PCDH15: variants seen among roughly 807,000 people sequenced by gnomAD.
PCDH15 encodes the protein protocadherin related 15.
Under a neutral mutation model 178.5 loss-of-function variants are expected in PCDH15, and 129 were observed. The observed-to-expected ratio is 0.72, with a 90% CI of 0.63 to 0.84. The LOEUF (loss-of-function observed/expected upper bound fraction) is 0.84, where lower values mean the gene tolerates loss of function less well. Among genes scored for constraint, PCDH15 ranks in the 40% least tolerant of loss-of-function variants. The probability of loss-of-function intolerance (pLI) is 0.00; values close to 1 mark genes in which losing one functional copy is unlikely to be tolerated. For synonymous variants in PCDH15, 800 were observed against 732.0 expected (o/e 1.09, Z -1.50); for missense variants, 2,230 against 2,099.9 (o/e 1.06, Z -1.21).
intron 18 of PCDH15, among the ~76,000 whole-genome samples, chr10:54,066,124 T>A (rs1446293663): frequency 6.6e-6 from 1 of 152,160 alleles, no homozygotes; most frequent in African/African-American, 2.4e-5. Flanking sequence ...TCCTCCAATT[T>A]TTTTCTTCTT....
intron 26 of PCDH15, among the ~76,000 whole-genome samples, chr10:53,894,319 CA>C (rs2081798635): frequency 6.6e-6 from 1 of 152,164 alleles, no homozygotes; most frequent in Non-Finnish European, 1.5e-5. Flanking sequence ...GTTCAAAGTA[CA>C]AACCACACAA....
At chr10:55,466,976 G>T (rs1839844138) in intron 2 of PCDH15, among the ~76,000 whole-genome samples, 1 of 152,062 alleles carries the variant, frequency 6.6e-6, no homozygotes. Context: ...TATCCACTGG[G>T]AGCCTTTCAG....
chr10:55,531,762 C>G (rs986747384), intron 2 of PCDH15, among the ~76,000 whole-genome samples: 1 of 152,002 alleles, frequency 6.6e-6, no homozygotes, highest in Admixed American at 6.6e-5. Context: ...CAATGAGAAA[C>G]TACTAAGCAC....
At chr10:54,435,496 T>C (rs2075321628) in intron 3 of PCDH15, among the ~76,000 whole-genome samples, 1 of 152,156 alleles carries the variant, frequency 6.6e-6, no homozygotes, top group Non-Finnish European at 1.5e-5. Flanking sequence ...GGACTGCAAA[T>C]GCAGCTGCCG....
At chr10:55,567,589 A>G (rs1842327515) in intron 2 of PCDH15, among the ~76,000 whole-genome samples, 1 of 152,042 alleles carries the variant, frequency 6.6e-6, no homozygotes, top group African/African-American at 2.4e-5. Context: ...CTAAAGCTCA[A>G]TAACAAAAAA....
At chr10:55,446,962 C>T (rs543332262) in intron 2 of PCDH15, among the ~76,000 whole-genome samples, 3 of 151,806 alleles carry the variant, frequency 2.0e-5, no homozygotes, top group South Asian at 2.1e-4. Context: ...TGTATCACAG[C>T]GACTGCTAAC....
At chr10:54,312,869 G>A (rs1409818891) in intron 8 of PCDH15, among the ~76,000 whole-genome samples, 2 of 152,084 alleles carry the variant, frequency 1.3e-5, no homozygotes, top group Non-Finnish European at 2.9e-5. Context: ...GTTATACGGT[G>A]ACTGATAATC....
chr10:54,827,191 A>G (rs1179709156), intron 3 of PCDH15, among the ~76,000 whole-genome samples: 1 of 152,118 alleles, frequency 6.6e-6, no homozygotes, highest in Non-Finnish European at 1.5e-5. Context: ...CAACACTAGC[A>G]ATGACATTGA....
intron 2 of PCDH15, among the ~76,000 whole-genome samples, chr10:55,013,644 T>A (rs1036800258): frequency 1.2e-4 from 18 of 152,142 alleles, no homozygotes; most frequent in African/African-American, 4.1e-4. Context: ...ATACCCATAT[T>A]TTTATTTAAA....
At chr10:54,818,655 T>G (rs1366984538) in intron 3 of PCDH15, among the ~76,000 whole-genome samples, 1 of 152,040 alleles carries the variant, frequency 6.6e-6, no homozygotes, top group African/African-American at 2.4e-5. Flanking sequence ...TTTCTGAGAT[T>G]ACATGAAGAC....
At chr10:53,986,873 G>A (rs8181397) in intron 21 of PCDH15, among the ~76,000 whole-genome samples, 12,923 of 152,152 alleles carry the variant, frequency 0.085, 1,578 homozygotes, top group African/African-American at 0.27. Flanking sequence ...TGCTATTTTT[G>A]TTCTCATTTT....
intron 6 of PCDH15, among the ~76,000 whole-genome samples, chr10:54,334,951 G>C (rs886863937): frequency 6.6e-6 from 1 of 151,848 alleles, no homozygotes; most frequent in Non-Finnish European, 1.5e-5. Context: ...GAATATAACT[G>C]TGAGTCTGTG....
intron 32 of PCDH15, among the ~76,000 whole-genome samples, chr10:53,824,183 A>G (rs1040406863): frequency 6.6e-6 from 1 of 152,126 alleles, no homozygotes; most frequent in Non-Finnish European, 1.5e-5. Flanking sequence ...TGAAAGGCTT[A>G]CTTATGCACG....
chr10:55,317,493 A>G (rs1478851659), intron 1 of PCDH15, among the ~76,000 whole-genome samples: 1 of 151,116 alleles, frequency 6.6e-6, no homozygotes, highest in Admixed American at 6.6e-5. Flanking sequence ...TTTTTTCTCT[A>G]TTCTCCTTAA....
intron 3 of PCDH15, among the ~76,000 whole-genome samples, chr10:54,522,087 CAAAAA>C (rs11313978): frequency 3.4e-5 from 2 of 58,888 alleles, no homozygotes; most frequent in Admixed American, 2.4e-4. Context: ...GAATCCATCT[CAAAAA>C]AAAAAAAAAA....
rs1841204440 is a variant in PCDH15, at chr10:55,231,081, T to C, written c.-155-64430A>G. Reference sequence around the variant, plus strand: ...TATTTGTGATATATAGACAATGAGGTGAAGAATAAACTAATATACGTAGCC... The same window carrying C: ...TATTTGTGATATATAGACAATGAGGCGAAGAATAAACTAATATACGTAGCC... On this transcript the variant is annotated intron_variant, in intron 1 of 5. Coordinates refer to the PCDH15 transcript ENST00000458638. 2.0e-5 allele frequency among the ~76,000 whole-genome samples: 3 copies of C among 151,952 alleles called. No homozygotes were observed. In the South Asian group the frequency reaches 6.2e-4, roughly 31 times the overall value.
intron 3 of PCDH15, among the ~76,000 whole-genome samples, chr10:54,405,514 AAC>A (rs1362952812): frequency 1.3e-5 from 2 of 151,880 alleles, no homozygotes; most frequent in Non-Finnish European, 2.9e-5. Context: ...AGGGGAACAA[AAC>A]ACACTGAGGC....
At chr10:55,435,792 G>T (rs952397972) in intron 2 of PCDH15, among the ~76,000 whole-genome samples, 1 of 152,106 alleles carries the variant, frequency 6.6e-6, no homozygotes. Flanking sequence ...CATTGGCAGA[G>T]AAGTTACATA....
chr10:55,511,078 T>C (rs1840874924), intron 2 of PCDH15, among the ~76,000 whole-genome samples: 1 of 151,270 alleles, frequency 6.6e-6, no homozygotes, highest in Non-Finnish European at 1.5e-5. Flanking sequence ...TACAGGTCTT[T>C]CCCAGGGTGG....
Sources: allele counts gnomAD v4.1 joint callset (sites outside exome capture counted in the v4.1 genomes callset), GRCh38; gene constraint gnomAD v4.1.1; transcripts MANE v1.5; gene names NCBI Gene and HGNC (gene_info 2026-07-23, HGNC 2026-07-21).